LMOD3: variants seen among roughly 807,000 people sequenced by gnomAD.
LMOD3 encodes leiomodin-3.
A neutral mutation model predicts 41.8 loss-of-function variants in LMOD3; 31 were observed. That is an observed-to-expected ratio of 0.74 (90% CI 0.56 to 1.00). The LOEUF is 1.00. Ranked by LOEUF, LMOD3 falls within the 50% of genes least tolerant of loss-of-function variation. The pLI is 0.00. For missense variants in LMOD3, 755 were observed against 679.5 expected (o/e 1.11, Z -1.23); for synonymous variants, 292 against 241.9 (o/e 1.21, Z -1.92).
Position 69,108,896 on chromosome 3 carries a change from C to A in LMOD3, c.*199G>T. The stretch of plus-strand genomic sequence containing the variant: ...ATTGCCTCTAAATATTATATTTTAT[C>A]TCCTTCCACCTTCCTCTTCAGCCCC... On this transcript the variant is annotated 3_prime_UTR_variant, in exon 3 of 3. Coordinates refer to ENST00000420581, the MANE Select transcript of LMOD3 (RefSeq NM_198271.5). The A allele has an allele frequency of 2.3e-6, 1 of 440,226 alleles. No homozygotes were observed. Among genetic ancestry groups the A allele is most frequent in the Non-Finnish European group, 4.0e-6 (1 of 248,968 alleles). 27.3% of individuals were successfully genotyped at this position (440,226 alleles called of 1,614,324 possible).
At chr3:69,109,353 A>G (rs989950722) in intron 2 of LMOD3, among the ~76,000 whole-genome samples, 2 of 133,638 alleles carry the variant, frequency 1.5e-5, no homozygotes, top group Non-Finnish European at 3.0e-5. Flanking sequence ...TGGCAAAGTA[A>G]CATCATGGAA....
intron 2 of LMOD3, among the ~76,000 whole-genome samples, chr3:69,115,363 T>G (rs1333335934): frequency 6.6e-6 from 1 of 151,746 alleles, no homozygotes; most frequent in Non-Finnish European, 1.5e-5. Flanking sequence ...GTGAGTGCGG[T>G]CCCAGCTACT....
chr3:69,116,980 T>G (rs2092377481), intron 2 of LMOD3, among the ~76,000 whole-genome samples: 1 of 152,250 alleles, frequency 6.6e-6, no homozygotes, highest in South Asian at 2.1e-4. Flanking sequence ...TTTCTGAATG[T>G]ACAGCCACCA....
In LMOD3 at chr3:69,106,341, A is replaced by T. The variant is rs2092322294; in HGVS notation, c.*2754T>A. On this transcript the variant is annotated 3_prime_UTR_variant, in exon 3 of 3. Transcript: ENST00000420581. ...GAATTCTGCCGATAAAATCCAATAA[A>T]TTTGGAGAAACTAATAAAAAAAAAG... Among the ~76,000 whole-genome samples, 2 of 152,136 alleles carry T rather than the reference A, an allele frequency of 1.3e-5. No homozygotes were observed. Among genetic ancestry groups the T allele is most frequent in the African/African-American group, 4.8e-5 (2 of 41,404 alleles).
intron 2 of LMOD3, among the ~76,000 whole-genome samples, chr3:69,109,819 G>A (rs1167444978): frequency 1.3e-5 from 2 of 151,816 alleles, no homozygotes; most frequent in South Asian, 2.1e-4. Flanking sequence ...ATGAGCACCC[G>A]GCCTAACACT....
rs1170299396 is a variant in LMOD3 at position 69,122,499 on chromosome 3, C to G, written c.-113G>C. On this transcript the variant is annotated 5_prime_UTR_variant, in exon 1 of 3. Coordinates refer to ENST00000420581, the MANE Select transcript of LMOD3 (RefSeq NM_198271.5). ...CCAGTTAACGAGTGTCCCAAGTTAA[C>G]ACACCCTTGAGATATTTTTTTTTTT... 3.8e-6 allele frequency: 3 copies of G among 782,892 alleles called. No individual in the cohort carries two copies. Among genetic ancestry groups the G allele is most frequent in the African/African-American group, 1.8e-5 (1 of 56,976 alleles). 48.5% of individuals were successfully genotyped at this position (782,892 alleles called of 1,614,324 possible). A position where few individuals can be genotyped will look rare whatever the true frequency, so the allele number is the denominator to read the frequency against.
At chr3:69,116,246 A>T (rs1358180317) in intron 2 of LMOD3, among the ~76,000 whole-genome samples, 1 of 152,220 alleles carries the variant, frequency 6.6e-6, no homozygotes, top group Non-Finnish European at 1.5e-5. Context: ...AGGCATTTTC[A>T]TATTTTTCTT....
Position 69,107,464 on chromosome 3 carries a change from T to G in LMOD3, c.*1631A>C, listed in dbSNP as rs917020313. 1.5e-4 allele frequency: 14 copies of G among 90,942 alleles called. No individual in the cohort carries two copies. The highest frequency in any genetic ancestry group is 8.8e-4 in the South Asian group (2 of 2,284). 5.6% of individuals were successfully genotyped at this position (90,942 alleles called of 1,614,324 possible). A position where few individuals can be genotyped will look rare whatever the true frequency, so the allele number is the denominator to read the frequency against. ...AAAAGGCACCAAAGGTTTTTTTTTT[T>G]TTTTTTTTTTTTTTTTTTTTTTTTT... is the stretch of plus-strand genomic sequence containing the variant. On this transcript the variant is annotated 3_prime_UTR_variant, in exon 3 of 3. Transcript: ENST00000420581.
chr3:69,114,635 G>A (rs1484588141), intron 2 of LMOD3, among the ~76,000 whole-genome samples: 2 of 151,884 alleles, frequency 1.3e-5, no homozygotes, highest in Non-Finnish European at 2.9e-5. Flanking sequence ...AGCCTCCCAA[G>A]TAGCTGGGAT....
intron 2 of LMOD3, among the ~76,000 whole-genome samples, chr3:69,117,077 T>A (rs555738932): frequency 1.3e-5 from 2 of 152,224 alleles, no homozygotes; most frequent in Non-Finnish European, 2.9e-5. Context: ...AATTCATTCC[T>A]AGGGGAGTTC....
rs758038044 is a variant in LMOD3, at chr3:69,119,092, C to G, written c.1263G>C (p.Glu421Asp). Residue 421 changes from glutamate (E) to aspartate (D), a missense_variant, in exon 2 of 3, where the codon GAG (glutamate) becomes GAC (aspartate). Glu to Asp is a conservative substitution (Grantham distance 45, BLOSUM62 2). Coordinates refer to ENST00000420581, the MANE Select transcript of LMOD3 (RefSeq NM_198271.5). ...TCCCAGGGGGCAGCCCCAACCCATTCTCTAACATGGCTATCAGCTTCTTCT... is the reference window on the plus strand; with the variant it reads ...TCCCAGGGGGCAGCCCCAACCCATTGTCTAACATGGCTATCAGCTTCTTCT... ...KEQKKLIAML[E>D]NGLGLPPGMW... 1 of 1,613,874 alleles carries G rather than the reference C, an allele frequency of 6.2e-7. No homozygotes were observed. The highest frequency in any genetic ancestry group is 8.5e-7 in the Non-Finnish European group (1 of 1,179,884).
chr3:69,111,434 A>C (rs543394030), intron 2 of LMOD3, among the ~76,000 whole-genome samples: 1 of 152,386 alleles, frequency 6.6e-6, no homozygotes, highest in South Asian at 2.1e-4. Context: ...GGTATTTAAA[A>C]TAACTGTAAA....
In LMOD3 at chr3:69,118,981, T is replaced by G; in HGVS notation, c.1374A>C (p.Gln458His). Residue 458 changes from glutamine (Q) to histidine (H), a missense_variant, in exon 2 of 3, where the codon CAA becomes CAC. Physicochemically the swap from Gln to His is conservative, Grantham distance 24. Transcript: ENST00000420581. ...CACTGCGTTGACTAAAGGGGACATT[T>G]TGGGGGTTGGGAGGCCGAGGTGGCG... Reference protein sequence around the residue: ...QPPPPRPPNPQNVPFSQRSEM... With the variant: ...QPPPPRPPNPHNVPFSQRSEM... The G allele has an allele frequency of 6.2e-7, 1 of 1,613,302 alleles. No homozygotes were observed. Among genetic ancestry groups the G allele is most frequent in the Non-Finnish European group, 8.5e-7 (1 of 1,179,782 alleles).
rs1444655842 is a variant in LMOD3, at chr3:69,119,305, G to A, written c.1050C>T (p.His350=). The change falls in exon 2 of 3, where the codon CAC becomes CAT. Residue 350 remains histidine (H), a synonymous_variant. Transcript: ENST00000420581. ...CCATTTCAGCATGGTGACCCAACAT[G>A]TGCCTCTGATTGTGAAACCGAAGCT... is the stretch of plus-strand genomic sequence containing the variant. ...LTELRFHNQR[H]MLGHHAEMEI... is the part of the protein sequence containing the mutation. 1.9e-6 allele frequency: 3 copies of A among 1,613,944 alleles called. No individual in the cohort carries two copies. The highest frequency in any genetic ancestry group is 2.2e-5 in the East Asian group (1 of 44,870).
In LMOD3 at chr3:69,119,082, C is replaced by G; in HGVS notation, c.1273G>C (p.Gly425Arg). The change falls in exon 2 of 3, where the codon GGG becomes CGG. Residue 425 changes from glycine to arginine, a missense_variant. By Grantham distance (125) the Gly-to-Arg change is moderately radical. Transcript: ENST00000420581. ...KLIAMLENGL[G>R]LPPGMWELLG... ...AGCTCCCACATCCCAGGGGGCAGCCCCAACCCATTCTCTAACATGGCTATC... is the reference window on the plus strand; with the variant it reads ...AGCTCCCACATCCCAGGGGGCAGCCGCAACCCATTCTCTAACATGGCTATC... The G allele has an allele frequency of 6.2e-7, 1 of 1,613,730 alleles. No individual in the cohort carries two copies. Among genetic ancestry groups the G allele is most frequent in the East Asian group, 2.2e-5 (1 of 44,874 alleles).
chr3:69,115,874 T>A (rs2092370128), intron 2 of LMOD3, among the ~76,000 whole-genome samples: 1 of 152,216 alleles, frequency 6.6e-6, no homozygotes, highest in Non-Finnish European at 1.5e-5. Context: ...TTACAATAGT[T>A]GGCTGGAGAC....
At chr3:69,113,528 C>T (rs56152276) in intron 2 of LMOD3, among the ~76,000 whole-genome samples, 5,901 of 152,264 alleles carry the variant, frequency 0.039, 340 homozygotes, top group East Asian at 0.27. Context: ...ATAACAACCC[C>T]TAATGTGTCA....
chr3:69,119,738 T>C lies in LMOD3; in HGVS notation c.617A>G (p.Gln206Arg). 1 of 1,613,956 alleles carries C rather than the reference T, an allele frequency of 6.2e-7. No individual in the cohort carries two copies. Among genetic ancestry groups the C allele is most frequent in the Non-Finnish European group, 8.5e-7 (1 of 1,179,862 alleles). ...CGATATTTTTTTCTCACTTTGTTCT[T>C]GGGCCTCTGGTCTGTCTCTCTGTTC... ...FKEQRDRPEA[Q>R]EQSEKKISKL... is the part of the protein sequence containing the mutation. The change falls in exon 2 of 3, where the codon CAA becomes CGA. Residue 206 changes from glutamine (Q) to arginine (R), a missense_variant. By Grantham distance (43) the Gln-to-Arg change is conservative. Coordinates refer to ENST00000420581, the MANE Select transcript of LMOD3 (RefSeq NM_198271.5).
chr3:69,113,160 A>T (rs777366357), intron 2 of LMOD3, among the ~76,000 whole-genome samples: 1 of 152,202 alleles, frequency 6.6e-6, no homozygotes, highest in Non-Finnish European at 1.5e-5. Context: ...AGTAGAAGGT[A>T]ACCCTGGAGT....
Sources: gnomAD v4.1 joint callset for allele counts (sites outside exome capture counted in the v4.1 genomes callset) on GRCh38, gnomAD v4.1.1 for gene constraint, MANE v1.5 for transcripts, NCBI Gene and HGNC (gene_info 2026-07-23, HGNC 2026-07-21) for gene names.